The following UBN2 variants were observed in gnomAD, a reference collection of about 807,000 sequenced individuals.
The protein encoded by UBN2 is ubinuclein-2.
UBN2 carries 35 observed loss-of-function variants against 120.2 expected under a neutral mutation model. The ratio of observed to expected loss-of-function variants is 0.29; its 90% confidence interval spans 0.22 to 0.39. The LOEUF (loss-of-function observed/expected upper bound fraction) is 0.39, where lower values mean the gene tolerates loss of function less well. Among genes scored for constraint, UBN2 ranks in the 10% least tolerant of loss-of-function variants. UBN2 has a pLI of 1.00. For missense variants in UBN2, 1,693 were observed against 1,663.2 expected (o/e 1.02, Z -0.31); for synonymous variants, 661 against 648.7 (o/e 1.02, Z -0.29).
downstream of UBN2, among the ~76,000 whole-genome samples, chr7:139,312,860 G>C (rs1044371614): frequency 6.6e-6 from 1 of 152,158 alleles, no homozygotes; most frequent in Non-Finnish European, 1.5e-5. Context: ...TTATTTTTCT[G>C]TATTTAGTGA....
chr7:139,278,635 A>G (rs994818271), intron 12 of UBN2, among the ~76,000 whole-genome samples: 2 of 152,122 alleles, frequency 1.3e-5, no homozygotes, highest in Non-Finnish European at 2.9e-5. Flanking sequence ...AAAAACATAG[A>G]AAATTACTGT....
chr7:139,297,642 T>C, intron 17 of UBN2, 145 bp from the exon 18 acceptor site: 1 of 677,492 alleles, frequency 1.5e-6, no homozygotes, highest in East Asian at 2.7e-5. Context: ...TATAATGCTA[T>C]ATGGCATGCA....
At chr7:139,310,849 C>G (rs1798438427), downstream of UBN2, among the ~76,000 whole-genome samples, 1 of 152,184 alleles carries the variant, frequency 6.6e-6, no homozygotes. Flanking sequence ...GAGGTTATTT[C>G]ACATCAGCAC....
At chr7:139,232,985 AC>A (rs948329204) in intron 1 of UBN2, among the ~76,000 whole-genome samples, 1 of 152,154 alleles carries the variant, frequency 6.6e-6, no homozygotes, top group Non-Finnish European at 1.5e-5. Flanking sequence ...TAGCAATTAT[AC>A]CCGTTATTAG....
chr7:139,240,229 A>G (rs969909552), intron 2 of UBN2, among the ~76,000 whole-genome samples: 3 of 151,712 alleles, frequency 2.0e-5, no homozygotes, highest in Non-Finnish European at 4.4e-5. Context: ...GATTGTATGT[A>G]TATTAACCAA....
chr7:139,264,048 A>G (rs777279877), intron 6 of UBN2, among the ~76,000 whole-genome samples: 2 of 152,206 alleles, frequency 1.3e-5, no homozygotes, highest in Non-Finnish European at 2.9e-5. Flanking sequence ...TTGCAGTTTG[A>G]TACTTTTTAT....
chr7:139,289,050 T>TC (rs1408621963), intron 15 of UBN2, among the ~76,000 whole-genome samples: 1 of 151,792 alleles, frequency 6.6e-6, no homozygotes, highest in Non-Finnish European at 1.5e-5. Context: ...GAGCAAGGAT[T>TC]CCCTTCAATG....
chr7:139,246,757 C>T (rs1284133706), intron 2 of UBN2, among the ~76,000 whole-genome samples: 2 of 152,126 alleles, frequency 1.3e-5, no homozygotes, highest in African/African-American at 4.8e-5. Flanking sequence ...TCCTGTGACT[C>T]TAGGCTTTTC....
At chr7:139,284,618 A>G (rs751029557) in intron 15 of UBN2, 44 bp downstream of exon 15, 2 of 1,507,984 alleles carry the variant, frequency 1.3e-6, no homozygotes, top group Non-Finnish European at 1.8e-6. Context: ...ATAAGATTGT[A>G]TAATGTCGTC....
At chr7:139,320,062 C>T in the UBN2 span, among the ~76,000 whole-genome samples, 484 of 143,830 alleles carry the variant, frequency 3.4e-3, 3 homozygotes, top group African/African-American at 0.011. Flanking sequence ...GGTGACAGAG[C>T]GAGACTCCGT....
In UBN2 at chr7:139,272,418, CG is replaced by C; in HGVS notation, c.1694del (p.Arg565LeufsTer33). Reference protein sequence around the residue: ...LFKYQEDCQARSQAKCAKLQT... With the variant: ...LFKYQEDCQAXSQAKCAKLQT... ...TAAATACCAGGAGGACTGCCAGGCTCGTAGTCAAGCTAAGTGTGCCAAGTAT... is the reference window on the plus strand; with the variant it reads ...TAAATACCAGGAGGACTGCCAGGCTCTAGTCAAGCTAAGTGTGCCAAGTAT... On this transcript the variant is annotated frameshift_variant, in exon 9 of 18. Transcript: ENST00000473989. LOFTEE classifies it high-confidence loss of function. 1 of 1,613,008 alleles carries C rather than the reference CG, an allele frequency of 6.2e-7. No homozygotes were observed. Among genetic ancestry groups the C allele is most frequent in the Non-Finnish European group, 8.5e-7 (1 of 1,179,752 alleles).
intron 8 of UBN2, among the ~76,000 whole-genome samples, chr7:139,272,041 C>T (rs1463100032): frequency 2.6e-5 from 4 of 152,086 alleles, no homozygotes; most frequent in East Asian, 3.9e-4. Context: ...AAAGTGTTCA[C>T]GGGGCATTTT....
intron 3 of UBN2, among the ~76,000 whole-genome samples, chr7:139,253,765 A>G (rs1796682538): frequency 6.6e-6 from 1 of 152,382 alleles, no homozygotes; most frequent in South Asian, 2.1e-4. Context: ...TCCATGTACT[A>G]GAGTAATCTA....
intron 2 of UBN2, among the ~76,000 whole-genome samples, chr7:139,239,598 C>G (rs1022745067): frequency 1.6e-5 from 2 of 125,920 alleles, no homozygotes; most frequent in South Asian, 4.9e-4. Context: ...ACTCTTGTTG[C>G]CCAGGCTGGA....
Position 139,293,948 on chromosome 7 carries a change from C to T in UBN2, c.3961C>T (p.Pro1321Ser). ...GCATGCAGCAACGCTTTCCCACTCACCTCTGCCTGCACACTTACAGCAAGC... is the reference window on the plus strand; with the variant it reads ...GCATGCAGCAACGCTTTCCCACTCATCTCTGCCTGCACACTTACAGCAAGC... ...AQHAATLSHS[P>S]LPAHLQQAFH... Residue 1321 changes from proline (P) to serine (S), a missense_variant, in exon 17 of 18, where the codon CCT becomes TCT. This residue lies in a region of UBN2 where 837 missense variants were observed against 817.6 expected (regional missense o/e 1.02). Coordinates refer to ENST00000473989, the MANE Select transcript of UBN2 (RefSeq NM_173569.4). The T allele has an allele frequency of 1.9e-6, 3 of 1,614,132 alleles. No individual in the cohort carries two copies. Among genetic ancestry groups the T allele is most frequent in the Non-Finnish European group, 2.5e-6 (3 of 1,180,000 alleles).
In UBN2 at chr7:139,284,479, A is replaced by G. The variant is rs762496451; in HGVS notation, c.3574A>G (p.Thr1192Ala). ...TAATAGGACTAGTCTGTCTGGGGGA[A>G]CAGGAAGTGGAACACAGGGTGCTAC... ...GANRTSLSGGTGSGTQGATKP... is the reference protein window; with the variant it reads ...GANRTSLSGGAGSGTQGATKP... The change falls in exon 15 of 18, where the codon ACA (threonine) becomes GCA (alanine). Residue 1192 changes from threonine (T) to alanine (A), a missense_variant. Coordinates refer to ENST00000473989, the MANE Select transcript of UBN2 (RefSeq NM_173569.4). 1.5e-5 allele frequency: 24 copies of G among 1,614,070 alleles called. No individual in the cohort carries two copies. The African/African-American group carries it at 2.8e-4, about 19-fold the overall frequency.
the UBN2 span, among the ~76,000 whole-genome samples, chr7:139,315,580 G>C: frequency 3.3e-5 from 5 of 152,124 alleles, no homozygotes; most frequent in African/African-American, 1.2e-4. Context: ...TAGCAATTAT[G>C]AATAATGCTC....
chr7:139,248,123 C>A (rs1796521831), intron 2 of UBN2, among the ~76,000 whole-genome samples: 5 of 152,240 alleles, frequency 3.3e-5, no homozygotes, highest in Admixed American at 2.0e-4. Flanking sequence ...GATATCTTAA[C>A]ATATTGCTTT....
At chr7:139,287,795 T>A (rs1439006261) in intron 15 of UBN2, among the ~76,000 whole-genome samples, 2 of 152,178 alleles carry the variant, frequency 1.3e-5, no homozygotes, top group African/African-American at 4.8e-5. Flanking sequence ...CAATAAAGTC[T>A]TACCAGCTAT....
Sources: allele counts gnomAD v4.1 joint callset (sites outside exome capture counted in the v4.1 genomes callset), GRCh38; gene constraint gnomAD v4.1.1; regional missense constraint gnomAD v4.1.1; transcripts MANE v1.5; gene names NCBI Gene and HGNC (gene_info 2026-07-23, HGNC 2026-07-21).